FSTL5: variants seen among roughly 807,000 people sequenced by gnomAD.
FSTL5 encodes follistatin like 5.
FSTL5 carries 62 observed loss-of-function variants against 89.1 expected under a neutral mutation model. The ratio of observed to expected loss-of-function variants is 0.70; its 90% CI spans 0.57 to 0.86. The LOEUF (loss-of-function observed/expected upper bound fraction) is 0.86. FSTL5 is among the 40% of genes least tolerant of loss of function. FSTL5 has a pLI of 0.00. For missense variants in FSTL5, 1,057 were observed against 1,001.6 expected (o/e 1.06, Z -0.75); for synonymous variants, 383 against 346.2 (o/e 1.11, Z -1.18).
At chr4:161,940,536 A>T (rs188935197) in intron 3 of FSTL5, among the ~76,000 whole-genome samples, 1,611 of 141,016 alleles carry the variant, frequency 0.011, 25 homozygotes, top group African/African-American at 0.043. Context: ...TGCCCTATTT[A>T]AAAAAAAAAA....
intron 10 of FSTL5, among the ~76,000 whole-genome samples, chr4:161,532,296 A>T (rs897929583): frequency 2.0e-5 from 3 of 152,162 alleles, no homozygotes; most frequent in Non-Finnish European, 4.4e-5. Flanking sequence ...TATACGTAAG[A>T]TCGAAACAGA....
intron 15 of FSTL5, among the ~76,000 whole-genome samples, chr4:161,438,544 T>C (rs888554159): frequency 6.6e-6 from 1 of 152,198 alleles, no homozygotes; most frequent in African/African-American, 2.4e-5. Context: ...CTCATATAGC[T>C]ACAGAATGAT....
chr4:161,544,595 T>C (rs1220266052), intron 8 of FSTL5, among the ~76,000 whole-genome samples: 1 of 151,928 alleles, frequency 6.6e-6, no homozygotes, highest in Non-Finnish European at 1.5e-5. Context: ...TATGAGCTAC[T>C]GTGTGGTACA....
chr4:161,546,409 G>A (rs1732010403), intron 8 of FSTL5, among the ~76,000 whole-genome samples: 1 of 151,100 alleles, frequency 6.6e-6, no homozygotes, highest in Non-Finnish European at 1.5e-5. Flanking sequence ...AAAGCCTAAA[G>A]ATGATGAACT....
intron 2 of FSTL5, among the ~76,000 whole-genome samples, chr4:162,106,123 T>G (rs1561022393): frequency 6.6e-6 from 1 of 152,152 alleles, no homozygotes; most frequent in Non-Finnish European, 1.5e-5. Context: ...GCAACCCTCT[T>G]AGGAATTATT....
At chr4:162,108,235 G>A (rs962068997) in intron 2 of FSTL5, among the ~76,000 whole-genome samples, 1 of 152,016 alleles carries the variant, frequency 6.6e-6, no homozygotes, top group Admixed American at 6.6e-5. Context: ...TCAAGATACA[G>A]ACAAATTTTC....
At chr4:161,872,479 A>G (rs1026315426) in intron 4 of FSTL5, among the ~76,000 whole-genome samples, 6 of 152,172 alleles carry the variant, frequency 3.9e-5, no homozygotes, top group Admixed American at 3.3e-4. Flanking sequence ...CTCCTTTCCA[A>G]AAGTTTTTGA....
chr4:162,062,791 AT>A (rs1331352097), intron 2 of FSTL5, among the ~76,000 whole-genome samples: 1 of 151,316 alleles, frequency 6.6e-6, no homozygotes, highest in Non-Finnish European at 1.5e-5. Flanking sequence ...AAATTTTTTC[AT>A]TATATTTTAT....
At chr4:161,844,546 A>T (rs1579135357) in intron 4 of FSTL5, among the ~76,000 whole-genome samples, 1 of 152,162 alleles carries the variant, frequency 6.6e-6, no homozygotes, top group South Asian at 2.1e-4. Flanking sequence ...CCCAAATGCC[A>T]ATCAATGATA....
Position 161,385,648 on chromosome 4 carries a change from C to G in FSTL5, c.*99G>C. On this transcript the variant is annotated 3_prime_UTR_variant, in exon 16 of 16. Coordinates refer to ENST00000306100, the MANE Select transcript of FSTL5 (RefSeq NM_020116.5). ...GACCAACCAAGTAAATTTTGTTTGA[C>G]TAGGATATAAACTTGGAAAGTTAAG... The G allele has an allele frequency of 1.1e-6, 1 of 910,248 alleles. No homozygotes were observed. The highest frequency in any genetic ancestry group is 1.8e-5 in the South Asian group (1 of 56,862). 56.4% of individuals were successfully genotyped at this position (910,248 alleles called of 1,614,324 possible).
chr4:161,598,590 T>C (rs1003272487), intron 7 of FSTL5, among the ~76,000 whole-genome samples: 1 of 152,096 alleles, frequency 6.6e-6, no homozygotes. Flanking sequence ...AAAGTGTCTC[T>C]GGAAACAACC....
chr4:161,570,478 G>T (rs1732966481), intron 8 of FSTL5, among the ~76,000 whole-genome samples: 1 of 152,154 alleles, frequency 6.6e-6, no homozygotes, highest in Admixed American at 6.5e-5. Flanking sequence ...CAAAAACTGA[G>T]AAATCAGAAC....
In FSTL5 at chr4:161,695,493, A is replaced by ATC. The variant is rs79030723; in HGVS notation, c.728-39001_728-39000dup. Among the ~76,000 whole-genome samples, 4 of 146,748 alleles carry ATC rather than the reference A, an allele frequency of 2.7e-5. No individual in the cohort carries two copies. The East Asian group carries it at 7.8e-4, about 29-fold the overall frequency. Reference sequence around the variant, plus strand: ...ATAGACATATATCATATATATATATATCACAGTTTCTTTATCCACTTGTCG... The same window carrying ATC: ...ATAGACATATATCATATATATATATATCTCACAGTTTCTTTATCCACTTGTCG... On this transcript the variant is annotated intron_variant, in intron 6 of 15. Coordinates refer to ENST00000306100, the MANE Select transcript of FSTL5 (RefSeq NM_020116.5).
At chr4:161,826,774 T>C (rs946813934) in intron 4 of FSTL5, among the ~76,000 whole-genome samples, 2 of 152,288 alleles carry the variant, frequency 1.3e-5, no homozygotes, top group African/African-American at 4.8e-5. Context: ...CTTAAGTTAA[T>C]GTGAGTCCTT....
At chr4:161,492,692 CAT>C (rs144591450) in intron 12 of FSTL5, among the ~76,000 whole-genome samples, 14,124 of 151,892 alleles carry the variant, frequency 0.093, 870 homozygotes, top group South Asian at 0.2. Context: ...AAATGACTAA[CAT>C]AGAAAAAACG....
At chr4:161,443,549 C>T (rs1732846165) in intron 15 of FSTL5, among the ~76,000 whole-genome samples, 3 of 151,344 alleles carry the variant, frequency 2.0e-5, no homozygotes. Context: ...ATGACATTTC[C>T]TATTGGAGCC....
intron 3 of FSTL5, among the ~76,000 whole-genome samples, chr4:161,975,043 C>T (rs1735593691): frequency 7.5e-6 from 1 of 134,112 alleles, no homozygotes. Flanking sequence ...CAAATCAAAA[C>T]CACAATGAGA....
rs368458578 is a variant in FSTL5, at chr4:161,459,325, A to G, written c.1609-6T>C. On this transcript the variant is annotated splice_region_variant and splice_polypyrimidine_tract_variant and intron_variant, in intron 13 of 15. Coordinates refer to ENST00000306100, the MANE Select transcript of FSTL5 (RefSeq NM_020116.5). Reference sequence around the variant, plus strand: ...ACAGGGTCTGTGCTCACTGCCTACAATAAAGAAGAATTGAAAAAAATGTTT... The same window carrying G: ...ACAGGGTCTGTGCTCACTGCCTACAGTAAAGAAGAATTGAAAAAAATGTTT... The G allele has an allele frequency of 1.3e-5, 20 of 1,576,668 alleles. No homozygotes were observed. The highest frequency in any genetic ancestry group is 4.5e-5 in the South Asian group (4 of 89,582).
intron 13 of FSTL5, among the ~76,000 whole-genome samples, chr4:161,469,587 T>C (rs954758098): frequency 2.0e-5 from 3 of 152,138 alleles, no homozygotes; most frequent in Non-Finnish European, 4.4e-5. Flanking sequence ...TGGCTATATG[T>C]ATAACGTCTT....
Sources: gnomAD v4.1 joint callset for allele counts (sites outside exome capture counted in the v4.1 genomes callset) on GRCh38, gnomAD v4.1.1 for gene constraint, MANE v1.5 for transcripts, NCBI Gene and HGNC (gene_info 2026-07-23, HGNC 2026-07-21) for gene names.